RSF1: variants seen among roughly 807,000 people sequenced by gnomAD.
The protein encoded by RSF1 is HBV pX-associated protein 8.
Under a neutral mutation model 145.2 loss-of-function variants are expected in RSF1, and 13 were observed. The observed-to-expected ratio is 0.09, with a 90% CI of 0.06 to 0.14. The LOEUF is 0.14. RSF1 is among the 10% of genes least tolerant of loss of function. The pLI is 1.00. For synonymous variants in RSF1, 577 were observed against 592.6 expected, an observed-to-expected ratio of 0.97 and a Z score of 0.38; for missense variants, 1,517 against 1,718.2, an observed-to-expected ratio of 0.88 and a Z score of 2.07.
chr11:77,667,066 T>C lies in RSF1; in HGVS notation c.4177A>G (p.Thr1393Ala). ...LIGKPTEKSQ[T>A]PKDNSTASAS... ...CTGGCTGTGCTGTTGTCCTTGGGGG[T>C]CTGAGACTTCTCAGTAGGCTTGCCA... Residue 1393 changes from threonine (T) to alanine (A), a missense_variant, in exon 16 of 16, where the codon ACC becomes GCC. Thr to Ala is a moderately conservative substitution (Grantham distance 58). This residue lies in a region of RSF1 where 240 missense variants were observed against 231.8 expected (regional missense o/e 1.04). Transcript: ENST00000308488. 6.2e-7 allele frequency: 1 copy of C among 1,614,086 alleles called. No individual in the cohort carries two copies. Among genetic ancestry groups the C allele is most frequent in the Non-Finnish European group, 8.5e-7 (1 of 1,179,998 alleles).
chr11:77,778,226 GTGGGGGAGGGAAGGGGAGAGCA>G (rs1565177682), intron 1 of RSF1, among the ~76,000 whole-genome samples: 2 of 38,604 alleles, frequency 5.2e-5, no homozygotes, highest in Admixed American at 2.6e-4. Flanking sequence ...AGGGGAGGGG[GTGGGGGAGGGAAGGGGAGAGCA>G]TGGGGGAGGG....
intron 1 of RSF1, among the ~76,000 whole-genome samples, chr11:77,766,858 G>A (rs1257587791): frequency 6.6e-6 from 1 of 152,134 alleles, no homozygotes; most frequent in Non-Finnish European, 1.5e-5. Context: ...AGGAGGTGGG[G>A]TGCAGGGCCG....
At chr11:77,818,780 A>T (rs1479447931) in intron 1 of RSF1, among the ~76,000 whole-genome samples, 1 of 152,256 alleles carries the variant, frequency 6.6e-6, no homozygotes. Context: ...CTCCGTCTCA[A>T]AAAACAAATA....
In RSF1 at chr11:77,813,961, G is replaced by C. The variant is rs531856535; in HGVS notation, c.187+6567C>G. Among the ~76,000 whole-genome samples, 21 of 152,240 alleles carry C rather than the reference G, an allele frequency of 1.4e-4. No individual in the cohort carries two copies. The East Asian group carries it at 3.9e-3, about 28-fold the overall frequency. On this transcript the variant is annotated intron_variant, in intron 1 of 15. Coordinates refer to ENST00000308488, the MANE Select transcript of RSF1 (RefSeq NM_016578.4). ...CATGCCTGCAATCCCAGCACTTTGA[G>C]AGGTGGAGGTGGCTGGATCACCTGA... is the stretch of plus-strand genomic sequence containing the variant.
chr11:77,837,185 G>T, the RSF1 span, among the ~76,000 whole-genome samples: 2 of 152,032 alleles, frequency 1.3e-5, no homozygotes, highest in Admixed American at 6.5e-5. Context: ...ACCCAGGCTG[G>T]AGTGCAGTGG....
chr11:77,803,708 G>T (rs1312488661), intron 1 of RSF1, among the ~76,000 whole-genome samples: 1 of 152,020 alleles, frequency 6.6e-6, no homozygotes, highest in Non-Finnish European at 1.5e-5. Context: ...AAACCTGAAG[G>T]CGGAGGTTGC....
chr11:77,712,842 C>A (rs979272547), intron 5 of RSF1, among the ~76,000 whole-genome samples: 1 of 152,112 alleles, frequency 6.6e-6, no homozygotes, highest in Admixed American at 6.5e-5. Context: ...TATTTTGTTA[C>A]TAAAACTCTT....
chr11:77,793,217 C>T (rs1295519978), intron 1 of RSF1, among the ~76,000 whole-genome samples: 3 of 152,150 alleles, frequency 2.0e-5, no homozygotes, highest in East Asian at 1.9e-4. Context: ...CAGTGGCTCA[C>T]GCCTGTAATC....
intron 1 of RSF1, among the ~76,000 whole-genome samples, chr11:77,810,391 C>A (rs1371276932): frequency 6.6e-6 from 1 of 152,148 alleles, no homozygotes; most frequent in Non-Finnish European, 1.5e-5. Flanking sequence ...AATGTCATCA[C>A]CTTGTTAACA....
chr11:77,778,105 AGGGGAGGGGAGGAG>A (rs1948360894), intron 1 of RSF1, among the ~76,000 whole-genome samples: 2 of 1,452 alleles, frequency 1.4e-3, no homozygotes, highest in Non-Finnish European at 1.5e-3. Flanking sequence ...TGTCTTGGGA[AGGGGAGGGGAGGAG>A]GGGGAGAGGA....
intron 1 of RSF1, among the ~76,000 whole-genome samples, chr11:77,788,845 G>A (rs958386123): frequency 6.6e-6 from 1 of 152,094 alleles, no homozygotes. Flanking sequence ...AACCAAAATA[G>A]TGAGTAGATA....
At chr11:77,798,423 A>G (rs1235866121) in intron 1 of RSF1, among the ~76,000 whole-genome samples, 4 of 151,618 alleles carry the variant, frequency 2.6e-5, no homozygotes, top group Non-Finnish European at 1.5e-5. Flanking sequence ...CGTCTCTACT[A>G]AAAATACAAA....
chr11:77,728,612 A>G (rs1293000290), intron 4 of RSF1, among the ~76,000 whole-genome samples: 1 of 151,464 alleles, frequency 6.6e-6, no homozygotes, highest in African/African-American at 2.4e-5. Flanking sequence ...AAGGGAAGGG[A>G]GAAGGGAGAC....
intron 1 of RSF1, among the ~76,000 whole-genome samples, chr11:77,779,873 T>C (rs1378118427): frequency 6.6e-6 from 1 of 152,230 alleles, no homozygotes; most frequent in Non-Finnish European, 1.5e-5. Flanking sequence ...ACTGAACTTC[T>C]TGGAGTTCCC....
intron 4 of RSF1, among the ~76,000 whole-genome samples, chr11:77,726,544 T>C (rs1961057595): frequency 6.6e-6 from 1 of 152,108 alleles, no homozygotes; most frequent in Admixed American, 6.5e-5. Flanking sequence ...CTGAGAAAAC[T>C]CACTTGGATA....
chr11:77,839,865 T>C, the RSF1 span, among the ~76,000 whole-genome samples: 5 of 152,218 alleles, frequency 3.3e-5, no homozygotes, highest in East Asian at 9.7e-4. Flanking sequence ...AGCTAATCCA[T>C]GTGGGGCTTA....
At chr11:77,850,560 T>C in the RSF1 span, 1 of 152,074 alleles carries the variant, frequency 6.6e-6, no homozygotes, top group Non-Finnish European at 1.5e-5. Flanking sequence ...AAAATATAAG[T>C]ATAAAATTAA....
chr11:77,709,972 G>A (rs1425648007), intron 5 of RSF1, among the ~76,000 whole-genome samples: 2 of 152,060 alleles, frequency 1.3e-5, no homozygotes, highest in African/African-American at 4.8e-5. Context: ...CTTGACAAAG[G>A]TATCAAGAAT....
the RSF1 span, among the ~76,000 whole-genome samples, chr11:77,826,154 G>T: frequency 7.9e-5 from 12 of 152,140 alleles, no homozygotes; most frequent in Admixed American, 7.9e-4. Flanking sequence ...GCCGAGGTGG[G>T]AGTTCAAGAC....
Sources: gnomAD v4.1 joint callset for allele counts (sites outside exome capture counted in the v4.1 genomes callset) on GRCh38, gnomAD v4.1.1 for gene constraint, gnomAD v4.1.1 regional missense constraint, MANE v1.5 for transcripts, NCBI Gene and HGNC (gene_info 2026-07-23, HGNC 2026-07-21) for gene names.